CAST: variants seen among roughly 807,000 people sequenced by gnomAD.
CAST encodes MIR583 host.
In CAST, 76 loss-of-function variants were observed where a neutral mutation model predicts 119.6. The observed-to-expected ratio is 0.64, with a 90% confidence interval of 0.53 to 0.77. CAST has a LOEUF of 0.77. Ranked by LOEUF, CAST falls within the 30% of genes least tolerant of loss-of-function variation. The pLI is 0.00. For missense variants in CAST, 953 were observed against 946.5 expected (o/e 1.01, Z -0.09); for synonymous variants, 319 against 331.6 (o/e 0.96, Z 0.41).
At chr5:96,305,714 G>A in the CAST span, among the ~76,000 whole-genome samples, 1 of 152,150 alleles carries the variant, frequency 6.6e-6, no homozygotes, top group Non-Finnish European at 1.5e-5. Flanking sequence ...AGATAATCCT[G>A]TGGTTTTTGT....
the CAST span, among the ~76,000 whole-genome samples, chr5:96,366,042 G>A: frequency 6.6e-6 from 1 of 152,136 alleles, no homozygotes; most frequent in East Asian, 1.9e-4. Context: ...AAATCTCTCA[G>A]CATTTGCTTG....
At chr5:96,024,006 A>G in the CAST span, among the ~76,000 whole-genome samples, 1 of 152,218 alleles carries the variant, frequency 6.6e-6, no homozygotes, top group African/African-American at 2.4e-5. Flanking sequence ...AGTTCAGCCA[A>G]GAAATGAATT....
chr5:96,315,057 C>T, the CAST span, among the ~76,000 whole-genome samples: 99 of 152,182 alleles, frequency 6.5e-4, no homozygotes, highest in South Asian at 8.7e-3. Context: ...CTCACCCTCA[C>T]GCAATCAGTG....
At chr5:96,256,698 T>C in the CAST span, among the ~76,000 whole-genome samples, 2 of 152,116 alleles carry the variant, frequency 1.3e-5, no homozygotes, top group African/African-American at 4.8e-5. Flanking sequence ...CACTGTCATA[T>C]ATGCAGTTGA....
the CAST span, among the ~76,000 whole-genome samples, chr5:96,353,746 C>T: frequency 6.6e-6 from 1 of 151,518 alleles, no homozygotes; most frequent in East Asian, 1.9e-4. Flanking sequence ...CTACCCAAGG[C>T]TTTCAGCCTC....
At chr5:96,475,565 A>G in the CAST span, among the ~76,000 whole-genome samples, 1 of 152,204 alleles carries the variant, frequency 6.6e-6, no homozygotes, top group Non-Finnish European at 1.5e-5. Context: ...AGATGGGCCG[A>G]GTACCCTGGT....
the CAST span, among the ~76,000 whole-genome samples, chr5:96,461,505 T>G: frequency 6.6e-6 from 1 of 152,220 alleles, no homozygotes; most frequent in South Asian, 2.1e-4. Flanking sequence ...TATCTCCACA[T>G]CCTCACTGAC....
At chr5:96,558,539 C>A (rs1746292552) in intron 1 of CAST, among the ~76,000 whole-genome samples, 1 of 152,114 alleles carries the variant, frequency 6.6e-6, no homozygotes, top group African/African-American at 2.4e-5. Flanking sequence ...ACCACAGATC[C>A]CACAGAAATA....
the CAST span, among the ~76,000 whole-genome samples, chr5:96,278,323 T>TGGTG: frequency 1.3e-5 from 2 of 152,038 alleles, no homozygotes; most frequent in East Asian, 3.9e-4. Flanking sequence ...TGTGTGTGTG[T>TGGTG]GGTGAGGGGG....
At chr5:96,017,742 T>G in the CAST span, among the ~76,000 whole-genome samples, 9 of 152,182 alleles carry the variant, frequency 5.9e-5, no homozygotes, top group Admixed American at 5.9e-4. Flanking sequence ...TCAGTTATAA[T>G]TAAAATTAAA....
chr5:96,594,051 A>G (rs1392544130), intron 1 of CAST, among the ~76,000 whole-genome samples: 3 of 152,260 alleles, frequency 2.0e-5, no homozygotes, highest in African/African-American at 7.2e-5. Flanking sequence ...GCAAGACTCA[A>G]AATTATAGTA....
At chr5:96,062,484 C>T in the CAST span, among the ~76,000 whole-genome samples, 1 of 152,092 alleles carries the variant, frequency 6.6e-6, no homozygotes, top group African/African-American at 2.4e-5. Flanking sequence ...AGAATTTGGG[C>T]TTCCAGTCCC....
chr5:96,545,680 G>A (rs770331854), intron 1 of CAST, among the ~76,000 whole-genome samples: 9 of 152,124 alleles, frequency 5.9e-5, no homozygotes, highest in Non-Finnish European at 1.0e-4. Flanking sequence ...AGTCTATACC[G>A]TTAAGCCCAT....
the CAST span, among the ~76,000 whole-genome samples, chr5:96,062,209 G>A: frequency 1.3e-5 from 2 of 152,090 alleles, no homozygotes; most frequent in African/African-American, 4.8e-5. Flanking sequence ...AGTGAAAGTA[G>A]ACACATGACC....
chr5:96,085,855 G>A, the CAST span, among the ~76,000 whole-genome samples: 1 of 152,120 alleles, frequency 6.6e-6, no homozygotes, highest in African/African-American at 2.4e-5. Flanking sequence ...TCCATATCTT[G>A]TCCAGAACTC....
chr5:96,418,482 C>T, the CAST span, among the ~76,000 whole-genome samples: 1 of 152,150 alleles, frequency 6.6e-6, no homozygotes, highest in Admixed American at 6.5e-5. Flanking sequence ...TAATGGTAAG[C>T]ATTACCTGCA....
chr5:96,279,849 C>T, the CAST span, among the ~76,000 whole-genome samples: 1 of 152,206 alleles, frequency 6.6e-6, no homozygotes, highest in South Asian at 2.1e-4. Flanking sequence ...AGGAGTTCAT[C>T]CAAGTTCAGT....
chr5:96,496,407 T>C, the CAST span, among the ~76,000 whole-genome samples: 36 of 152,232 alleles, frequency 2.4e-4, no homozygotes, highest in African/African-American at 8.4e-4. Context: ...CTTCTAATTT[T>C]CTTGATCAAC....
the CAST span, among the ~76,000 whole-genome samples, chr5:96,154,782 T>C: frequency 6.6e-6 from 1 of 152,226 alleles, no homozygotes. Flanking sequence ...GACTGGGTTA[T>C]AGGATTTTAG....
Sources: gnomAD v4.1 joint callset for allele counts (sites outside exome capture counted in the v4.1 genomes callset) on GRCh38, gnomAD v4.1.1 for gene constraint, MANE v1.5 for transcripts, NCBI Gene and HGNC (gene_info 2026-07-23, HGNC 2026-07-21) for gene names.